The following SYT7 variants were observed in gnomAD, a reference collection of about 807,000 sequenced individuals.
The protein encoded by SYT7 is synaptotagmin-7.
In SYT7, 29 loss-of-function variants were observed where a neutral mutation model predicts 75.1. The ratio of observed to expected loss-of-function variants is 0.39; its 90% confidence interval spans 0.29 to 0.53. The LOEUF (loss-of-function observed/expected upper bound fraction) is 0.53. Ranked by LOEUF, SYT7 falls within the 20% of genes least tolerant of loss-of-function variation. SYT7 has a pLI of 0.77. For synonymous variants in SYT7, 376 were observed against 401.7 expected, an observed-to-expected ratio of 0.94 and a Z score of 0.76; for missense variants, 693 against 953.2, an observed-to-expected ratio of 0.73 and a Z score of 3.59.
chr11:61,522,252 C>A (rs557484547), intron 12 of SYT7, among the ~76,000 whole-genome samples: 5 of 145,736 alleles, frequency 3.4e-5, no homozygotes, highest in South Asian at 4.3e-4. Flanking sequence ...TGCAGTCTTG[C>A]AATCTTGGCT....
intron 1 of SYT7, among the ~76,000 whole-genome samples, chr11:61,573,240 T>TC (rs1318229215): frequency 1.3e-5 from 2 of 152,166 alleles, no homozygotes; most frequent in African/African-American, 2.4e-5. Context: ...ACTAACTGTG[T>TC]CCACAGGGCC....
chr11:61,550,464 C>T (rs1349399315), intron 3 of SYT7, among the ~76,000 whole-genome samples: 1 of 152,072 alleles, frequency 6.6e-6, no homozygotes, highest in Non-Finnish European at 1.5e-5. Context: ...GTGGCTGGGC[C>T]TTCAGAGGGA....
In SYT7 at chr11:61,524,572, G is replaced by A. The variant is rs754731320; in HGVS notation, c.1472-40C>T. 6.5e-7 allele frequency: 1 copy of A among 1,527,466 alleles called. No homozygotes were observed. The allele number at this position is 1,527,466 out of a possible 1,614,324, so 94.6% of individuals were successfully genotyped here. ...GAGTGTGAGTGAAGAGGGGGACAGAGGGGCTGCACGGGGCCCGGGAGGCAA... is the reference window on the plus strand; with the variant it reads ...GAGTGTGAGTGAAGAGGGGGACAGAAGGGCTGCACGGGGCCCGGGAGGCAA... On this transcript the variant is annotated intron_variant, in intron 9 of 12. Transcript: ENST00000539008. This position sits in a 1 kb window ranked among gnomAD's most constrained non-coding sequence, Gnocchi z 4.1.
chr11:61,577,635 C>G (rs757167500), intron 1 of SYT7, among the ~76,000 whole-genome samples: 6 of 152,308 alleles, frequency 3.9e-5, no homozygotes, highest in Non-Finnish European at 8.8e-5. Context: ...AGAAGAGGCC[C>G]GCTGTGCCAA....
chr11:61,548,207 G>A (rs1202993304), intron 3 of SYT7, among the ~76,000 whole-genome samples: 2 of 152,214 alleles, frequency 1.3e-5, no homozygotes, highest in South Asian at 2.1e-4. Context: ...CCTTTGTTCT[G>A]GGGCCTGTGT....
Position 61,542,197 on chromosome 11 carries a change from A to G in SYT7, c.941+14T>C. The G allele has an allele frequency of 1.3e-6, 2 of 1,531,538 alleles. No homozygotes were observed. Among genetic ancestry groups the G allele is most frequent in the Non-Finnish European group, 1.7e-6 (2 of 1,144,956 alleles). The allele number at this position is 1,531,538 out of a possible 1,614,324, so 94.9% of individuals were successfully genotyped here. On this transcript the variant is annotated intron_variant, in intron 6 of 12. Transcript: ENST00000539008. The surrounding 1 kb of genome is among the most constrained non-coding windows in gnomAD (Gnocchi z 7.8). ...AGGGAGGTGGGGGCCGGCCCGCTCA[A>G]GGGGAGGACTTACAGGAAGGATTTC...
intron 1 of SYT7, among the ~76,000 whole-genome samples, chr11:61,568,254 T>G (rs892641334): frequency 6.6e-6 from 1 of 152,168 alleles, no homozygotes; most frequent in Non-Finnish European, 1.5e-5. Context: ...CTGCTTGATA[T>G]GAACCTTACT....
At chr11:61,560,636 C>T (rs1357566934) in intron 1 of SYT7, among the ~76,000 whole-genome samples, 2 of 152,206 alleles carry the variant, frequency 1.3e-5, no homozygotes, top group African/African-American at 2.4e-5. Context: ...CCTCGGCCAG[C>T]ATGCCGACAT....
At chr11:61,569,691 G>T (rs1211327248) in intron 1 of SYT7, among the ~76,000 whole-genome samples, 1 of 152,066 alleles carries the variant, frequency 6.6e-6, no homozygotes, top group Non-Finnish European at 1.5e-5. Context: ...ACAGATACTG[G>T]AAGACTCCAG....
At chr11:61,538,331 G>C (rs533491391) in intron 6 of SYT7, 65 bp from the exon 7 acceptor site, 15 of 1,301,790 alleles carry the variant, frequency 1.2e-5, no homozygotes, top group Non-Finnish European at 1.6e-5. Context: ...GGGGGCAGGG[G>C]GGAAGGAGAG....
At chr11:61,585,424 G>C (rs1211695067), upstream of SYT7, among the ~76,000 whole-genome samples, 2 of 152,208 alleles carry the variant, frequency 1.3e-5, no homozygotes, top group African/African-American at 4.8e-5. Flanking sequence ...AGACCAGCTG[G>C]AAGTTGGCTG....
Position 61,533,171 on chromosome 11 carries a change from C to T in SYT7, c.1065-47G>A, listed in dbSNP as rs753617574. 5.3e-6 allele frequency: 8 copies of T among 1,512,750 alleles called. No individual in the cohort carries two copies. The South Asian group carries it at 6.4e-5, about 12-fold the overall frequency. 93.7% of individuals were successfully genotyped at this position (1,512,750 alleles called of 1,614,324 possible). On this transcript the variant is annotated intron_variant, in intron 7 of 12. Coordinates refer to ENST00000539008, the MANE Select transcript of SYT7 (RefSeq NM_001365809.2). ...TGAGATTGGGCTGGGAAGTGAGCTGCGTTGGGCACCCCGGCCTGGGGGGTG... is the reference window on the plus strand; with the variant it reads ...TGAGATTGGGCTGGGAAGTGAGCTGTGTTGGGCACCCCGGCCTGGGGGGTG...
At chr11:61,575,866 A>C (rs930311607) in intron 1 of SYT7, among the ~76,000 whole-genome samples, 2 of 152,176 alleles carry the variant, frequency 1.3e-5, no homozygotes, top group Non-Finnish European at 2.9e-5. Context: ...ACACATACAG[A>C]CAGTGCCTCT....
chr11:61,554,431 C>T (rs934106381), intron 2 of SYT7, among the ~76,000 whole-genome samples: 10 of 152,150 alleles, frequency 6.6e-5, no homozygotes, highest in Non-Finnish European at 1.3e-4. Flanking sequence ...TGAACGGACA[C>T]GCACAGACAG....
Position 61,524,854 on chromosome 11 carries a change from A to C in SYT7, c.1472-322T>G, listed in dbSNP as rs1590827953. 4.6e-6 allele frequency: 1 copy of C among 215,862 alleles called. No individual in the cohort carries two copies. The highest frequency in any genetic ancestry group is 9.3e-6 in the Non-Finnish European group (1 of 107,354). 13.4% of individuals were successfully genotyped at this position (215,862 alleles called of 1,614,324 possible). On this transcript the variant is annotated intron_variant, in intron 9 of 12. Transcript: ENST00000539008. The surrounding 1 kb of genome is among the most constrained non-coding windows in gnomAD (Gnocchi z 4.1). ...ACTGCGATCATCCATTCACCCATGC[A>C]CCTTGTGTCCATCTCAGTGGCTGAG...
upstream of SYT7, among the ~76,000 whole-genome samples, chr11:61,583,442 T>C (rs1254948957): frequency 6.6e-6 from 1 of 152,190 alleles, no homozygotes; most frequent in Non-Finnish European, 1.5e-5. Context: ...ATCTGAGAGA[T>C]GCCCCAGGCT....
intron 8 of SYT7, among the ~76,000 whole-genome samples, chr11:61,528,969 T>A (rs935379863): frequency 7.1e-4 from 108 of 152,180 alleles, no homozygotes; most frequent in African/African-American, 2.5e-3. Context: ...GAGCATCTCA[T>A]CCCGTTCTGA....
intron 1 of SYT7, among the ~76,000 whole-genome samples, chr11:61,577,453 C>G (rs1025988783): frequency 6.6e-6 from 1 of 152,224 alleles, no homozygotes; most frequent in Non-Finnish European, 1.5e-5. Flanking sequence ...CCTTCCCACA[C>G]TCCAGCCCTG....
chr11:61,559,370 G>C (rs1271154393), intron 1 of SYT7, among the ~76,000 whole-genome samples: 1 of 152,174 alleles, frequency 6.6e-6, no homozygotes, highest in Non-Finnish European at 1.5e-5. Context: ...GGCGTGAGGA[G>C]CCGGACTTAG....
Sources: allele counts gnomAD v4.1 joint callset (sites outside exome capture counted in the v4.1 genomes callset), GRCh38; gene constraint gnomAD v4.1.1; non-coding constraint Gnocchi (gnomAD v3.1); transcripts MANE v1.5; gene names NCBI Gene and HGNC (gene_info 2026-07-23, HGNC 2026-07-21).